Variants in ERBB4 observed in about 807,000 individuals in gnomAD.
ERBB4 encodes erb-b2 receptor tyrosine kinase 4, also known as receptor tyrosine-protein kinase erbB-4.
ERBB4 carries 42 observed loss-of-function variants against 158.0 expected under a neutral mutation model. The observed-to-expected ratio is 0.27, with a 90% CI of 0.21 to 0.34. ERBB4 has a LOEUF of 0.34. Ranked by LOEUF, ERBB4 falls within the 10% of genes least tolerant of loss-of-function variation. The pLI is 1.00. For missense variants in ERBB4, 1,333 were observed against 1,624.1 expected, an observed-to-expected ratio of 0.82 and a Z score of 3.08; for synonymous variants, 583 against 558.7, an observed-to-expected ratio of 1.04 and a Z score of -0.61.
intron 1 of ERBB4, among the ~76,000 whole-genome samples, chr2:212,416,215 C>T (rs193001392): frequency 1.1e-4 from 17 of 152,248 alleles, no homozygotes; most frequent in African/African-American, 4.1e-4. Context: ...TCCACCCATA[C>T]CTATTTATCT....
intron 7 of ERBB4, among the ~76,000 whole-genome samples, chr2:211,721,618 A>AATATATATATATATATATATAT (rs1559457184): frequency 1.4e-5 from 1 of 69,888 alleles, no homozygotes; most frequent in African/African-American, 8.1e-5. Flanking sequence ...TTTGCTATTA[A>AATATATATATATATATATATAT]ACATATATAT....
At chr2:211,661,399 T>TA (rs1313198251) in intron 15 of ERBB4, among the ~76,000 whole-genome samples, 8 of 151,584 alleles carry the variant, frequency 5.3e-5, no homozygotes, top group African/African-American at 1.2e-4. Context: ...AGTAGAATTA[T>TA]AAAAAAAAGT....
chr2:211,831,240 A>T (rs964657695), intron 3 of ERBB4, among the ~76,000 whole-genome samples: 2 of 152,172 alleles, frequency 1.3e-5, no homozygotes, highest in African/African-American at 4.8e-5. Flanking sequence ...TTAAGTGGCT[A>T]CTGGGACAAC....
intron 2 of ERBB4, among the ~76,000 whole-genome samples, chr2:212,118,165 A>G (rs1432852084): frequency 6.6e-6 from 1 of 152,188 alleles, no homozygotes; most frequent in East Asian, 1.9e-4. Flanking sequence ...GAGGACAATG[A>G]AAAGGAAGCA....
At chr2:212,104,107 G>A (rs1024054466) in intron 2 of ERBB4, among the ~76,000 whole-genome samples, 1 of 151,988 alleles carries the variant, frequency 6.6e-6, no homozygotes, top group African/African-American at 2.4e-5. Context: ...CAGATTTGTG[G>A]ATTTTTTTAG....
At chr2:211,693,952 G>T (rs1030777248) in intron 12 of ERBB4, among the ~76,000 whole-genome samples, 4 of 152,068 alleles carry the variant, frequency 2.6e-5, no homozygotes, top group Admixed American at 2.6e-4. Flanking sequence ...CTGTCACACA[G>T]CTGTCTTTCC....
intron 4 of ERBB4, among the ~76,000 whole-genome samples, chr2:211,751,419 G>A (rs192179649): frequency 6.6e-6 from 1 of 152,082 alleles, no homozygotes; most frequent in African/African-American, 2.4e-5. Flanking sequence ...ATATAAAAAC[G>A]ACTTCCTTTG....
intron 3 of ERBB4, among the ~76,000 whole-genome samples, chr2:211,929,593 C>T (rs765130972): frequency 2.0e-5 from 3 of 152,046 alleles, no homozygotes; most frequent in Non-Finnish European, 2.9e-5. Flanking sequence ...ATATGGATTA[C>T]TCATTTGCCA....
At chr2:211,973,402 C>T (rs1443392362) in intron 2 of ERBB4, among the ~76,000 whole-genome samples, 6 of 152,000 alleles carry the variant, frequency 3.9e-5, no homozygotes, top group African/African-American at 1.4e-4. Flanking sequence ...GGGGTTTCAC[C>T]ATGTTAGTCA....
At chr2:211,815,804 C>T (rs1271865347) in intron 3 of ERBB4, among the ~76,000 whole-genome samples, 1 of 152,090 alleles carries the variant, frequency 6.6e-6, no homozygotes, top group African/African-American at 2.4e-5. Flanking sequence ...CATCTGCCAG[C>T]GCAGCTAGAA....
chr2:211,468,787 A>C (rs73067284), intron 20 of ERBB4, among the ~76,000 whole-genome samples: 5,202 of 152,206 alleles, frequency 0.034, 285 homozygotes, highest in African/African-American at 0.12. Context: ...TGCTTTCATC[A>C]TTAGCCTCAG....
intron 4 of ERBB4, among the ~76,000 whole-genome samples, chr2:211,786,601 C>T (rs1235391106): frequency 6.6e-6 from 1 of 152,220 alleles, no homozygotes. Flanking sequence ...CAGCAAACCC[C>T]TCAGACCTTT....
intron 20 of ERBB4, among the ~76,000 whole-genome samples, chr2:211,473,614 G>A (rs1217217877): frequency 3.3e-5 from 5 of 151,916 alleles, no homozygotes; most frequent in African/African-American, 1.2e-4. Context: ...TAGATCTATA[G>A]CCATTTGTCA....
At chr2:211,603,479 T>C (rs2068867318) in intron 19 of ERBB4, among the ~76,000 whole-genome samples, 1 of 151,778 alleles carries the variant, frequency 6.6e-6, no homozygotes. Flanking sequence ...TTACAAAAGG[T>C]GAATAAGAAA....
At chr2:211,498,930 C>G (rs1037117105) in intron 20 of ERBB4, among the ~76,000 whole-genome samples, 4 of 152,104 alleles carry the variant, frequency 2.6e-5, no homozygotes, top group Non-Finnish European at 5.9e-5. Flanking sequence ...ATGCTTCCCT[C>G]AGGGACACAG....
At chr2:212,100,724 G>A (rs1025675077) in intron 2 of ERBB4, among the ~76,000 whole-genome samples, 1 of 152,156 alleles carries the variant, frequency 6.6e-6, no homozygotes, top group African/African-American at 2.4e-5. Flanking sequence ...TGGGAGCAGT[G>A]GAGACCAAAG....
rs1575358076 is a variant in ERBB4, at chr2:211,909,008, T to A, written c.421+38422A>T. Among the ~76,000 whole-genome samples the A allele has an allele frequency of 5.9e-5, 9 of 151,784 alleles. 1 individual carries two copies. In the East Asian group the frequency reaches 1.8e-3, roughly 30 times the overall value. ...TGTAACTTAAAGACTGATTGAAAAA[T>A]GTAAAATATTAACTGATACATAAAA... On this transcript the variant is annotated intron_variant, in intron 3 of 27. Transcript: ENST00000342788.
chr2:212,520,227 TG>T (rs1237001172), intron 1 of ERBB4, among the ~76,000 whole-genome samples: 4 of 151,928 alleles, frequency 2.6e-5, no homozygotes, highest in African/African-American at 9.7e-5. Context: ...GAAAATCAGT[TG>T]TATTGATTTT....
chr2:212,279,419 G>C (rs375465980), intron 1 of ERBB4, among the ~76,000 whole-genome samples: 29 of 151,558 alleles, frequency 1.9e-4, no homozygotes, highest in African/African-American at 6.8e-4. Context: ...AGGGTAAAAG[G>C]GGAGATGAGG....
Sources: allele counts gnomAD v4.1 joint callset (sites outside exome capture counted in the v4.1 genomes callset), GRCh38; gene constraint gnomAD v4.1.1; transcripts MANE v1.5; gene names NCBI Gene and HGNC (gene_info 2026-07-23, HGNC 2026-07-21).